LPP: variants seen among roughly 807,000 people sequenced by gnomAD.
LPP encodes LIM domain containing preferred translocation partner in lipoma, also known as lipoma-preferred partner.
A neutral mutation model predicts 60.4 loss-of-function variants in LPP; 38 were observed. The observed-to-expected ratio is 0.63, with a 90% CI of 0.49 to 0.83. The LOEUF is 0.83. Among genes scored for constraint, LPP ranks in the 40% least tolerant of loss-of-function variants. LPP has a pLI of 0.00. For missense variants in LPP, 902 were observed against 783.6 expected, an observed-to-expected ratio of 1.15 and a Z score of -1.80; for synonymous variants, 328 against 290.8, an observed-to-expected ratio of 1.13 and a Z score of -1.30.
intron 2 of LPP, among the ~76,000 whole-genome samples, chr3:188,272,143 G>T (rs1737967273): frequency 6.6e-6 from 1 of 152,168 alleles, no homozygotes; most frequent in Non-Finnish European, 1.5e-5. Context: ...CCACGAGTTT[G>T]CTCTGTGACT....
At chr3:188,663,079 G>T (rs1448130823) in intron 7 of LPP, among the ~76,000 whole-genome samples, 1 of 152,204 alleles carries the variant, frequency 6.6e-6, no homozygotes, top group Non-Finnish European at 1.5e-5. Context: ...AGTCCAAAGG[G>T]AAAGAAGAAA....
rs1229692463 is a variant in LPP at position 188,484,639 on chromosome 3, C to T, written c.241C>T (p.Leu81Phe). Residue 81 changes from leucine (L) to phenylalanine (F), a missense_variant, in exon 5 of 12, where the codon CTT becomes TTT. Physicochemically the swap from Leu to Phe is conservative, Grantham distance 22. Transcript: ENST00000617246. ...PPPPLDDSSA[L>F]PSISGNFPPP... ...TCCACCTCTAGATGATTCCAGTGCCCTTCCATCTATCTCTGGAAACTTTCC... is the reference window on the plus strand; with the variant it reads ...TCCACCTCTAGATGATTCCAGTGCCTTTCCATCTATCTCTGGAAACTTTCC... 1.9e-6 allele frequency: 3 copies of T among 1,613,934 alleles called. No homozygotes were observed. The highest frequency in any genetic ancestry group is 2.2e-5 in the East Asian group (1 of 44,880).
chr3:188,747,091 T>C (rs959174276), intron 8 of LPP, among the ~76,000 whole-genome samples: 3 of 152,114 alleles, frequency 2.0e-5, no homozygotes, highest in African/African-American at 7.2e-5. Flanking sequence ...AGAGAGAAAA[T>C]GTGGCCAGCT....
chr3:188,650,091 G>A (rs1157525531), intron 7 of LPP, among the ~76,000 whole-genome samples: 1 of 152,072 alleles, frequency 6.6e-6, no homozygotes, highest in Non-Finnish European at 1.5e-5. Flanking sequence ...CTGATGTTTT[G>A]CATCCATCCA....
intron 5 of LPP, among the ~76,000 whole-genome samples, chr3:188,523,620 A>G (rs1819622503): frequency 6.6e-6 from 1 of 152,156 alleles, no homozygotes; most frequent in South Asian, 2.1e-4. Context: ...AAGATATTCT[A>G]GTTTCTTGGT....
At chr3:188,194,254 T>G (rs1053330071) in intron 1 of LPP, among the ~76,000 whole-genome samples, 1 of 152,256 alleles carries the variant, frequency 6.6e-6, no homozygotes, top group African/African-American at 2.4e-5. Context: ...TTCGTAATTG[T>G]GCCGATAAGA....
At chr3:188,477,784 G>A (rs1049985247) in intron 4 of LPP, among the ~76,000 whole-genome samples, 6 of 152,274 alleles carry the variant, frequency 3.9e-5, no homozygotes, top group African/African-American at 1.4e-4. Context: ...GAGGCAACTT[G>A]CTGTTATCAA....
intron 6 of LPP, among the ~76,000 whole-genome samples, chr3:188,579,184 C>T (rs74335377): frequency 0.03 from 4,564 of 152,254 alleles, 314 homozygotes; most frequent in East Asian, 0.28. Flanking sequence ...GCTGCCAAAG[C>T]CATCGCTGAA....
chr3:188,387,690 C>A (rs1462160253), intron 3 of LPP, among the ~76,000 whole-genome samples: 1 of 151,800 alleles, frequency 6.6e-6, no homozygotes, highest in Non-Finnish European at 1.5e-5. Flanking sequence ...TGCCAGCCTC[C>A]CGAGTAGCTG....
intron 4 of LPP, among the ~76,000 whole-genome samples, chr3:188,462,855 C>T (rs962651756): frequency 2.0e-5 from 3 of 151,760 alleles, no homozygotes; most frequent in Non-Finnish European, 4.4e-5. Context: ...ACCTGTAATT[C>T]CAGCACTTTG....
chr3:188,241,700 C>A (rs1386098978), intron 2 of LPP, among the ~76,000 whole-genome samples: 1 of 152,004 alleles, frequency 6.6e-6, no homozygotes, highest in Admixed American at 6.6e-5. Flanking sequence ...ACATGGACAA[C>A]CTATTTTTAA....
intron 7 of LPP, among the ~76,000 whole-genome samples, chr3:188,611,456 A>G (rs187186014): frequency 9.8e-5 from 15 of 152,356 alleles, no homozygotes; most frequent in African/African-American, 3.6e-4. Context: ...TTTCAAAACA[A>G]CCAGTTCAGA....
intron 7 of LPP, among the ~76,000 whole-genome samples, chr3:188,642,055 A>G (rs183590794): frequency 2.6e-5 from 4 of 152,276 alleles, no homozygotes; most frequent in Admixed American, 2.6e-4. Flanking sequence ...TGATACTGAC[A>G]TCTGCCCATG....
chr3:188,153,854 G>A (rs1423434436), upstream of LPP: 4 of 152,524 alleles, frequency 2.6e-5, no homozygotes, highest in East Asian at 7.7e-4. Flanking sequence ...GAGACCAAGG[G>A]GAGGGGGTGG....
At position 188,343,548 on chromosome 3, in the gene LPP, C is replaced by T. The variant is rs118060264; in HGVS notation, c.-10+1829C>T. On this transcript the variant is annotated intron_variant, in intron 3 of 11. Transcript: ENST00000617246. ...GCAGTTATCACACTAACCTTCCCTC[C>T]GATGCCAATTGTTAAATATTAATAG... Among the ~76,000 whole-genome samples, 354 of 152,294 alleles carry T rather than the reference C, an allele frequency of 2.3e-3. 3 individuals carry two copies. The South Asian group carries it at 0.024, about 10-fold the overall frequency.
chr3:188,297,033 G>C (rs1369323720), intron 2 of LPP, among the ~76,000 whole-genome samples: 1 of 152,204 alleles, frequency 6.6e-6, no homozygotes, highest in Admixed American at 6.5e-5. Context: ...TGTCAACATA[G>C]TTCCTTTAGG....
At chr3:188,450,836 G>T (rs554842004) in intron 4 of LPP, among the ~76,000 whole-genome samples, 10 of 151,962 alleles carry the variant, frequency 6.6e-5, no homozygotes, top group Admixed American at 2.6e-4. Flanking sequence ...TGCATCCATT[G>T]TATTTCACTG....
chr3:188,843,493 A>C (rs1242385831), intron 9 of LPP, among the ~76,000 whole-genome samples: 1 of 152,088 alleles, frequency 6.6e-6, no homozygotes, highest in East Asian at 1.9e-4. Context: ...GTCCCTTAAA[A>C]ATCCCTCCTC....
intron 6 of LPP, among the ~76,000 whole-genome samples, chr3:188,545,255 TA>T (rs1181781219): frequency 0.034 from 2,856 of 84,132 alleles, 33 homozygotes; most frequent in South Asian, 0.09. Context: ...AAAGTATAAT[TA>T]AAAAAAAAAA....
Sources: allele counts gnomAD v4.1 joint callset (sites outside exome capture counted in the v4.1 genomes callset), GRCh38; gene constraint gnomAD v4.1.1; transcripts MANE v1.5; gene names NCBI Gene and HGNC (gene_info 2026-07-23, HGNC 2026-07-21).